ARID2: variants seen among roughly 807,000 people sequenced by gnomAD.
ARID2 encodes AT-rich interactive domain-containing protein 2.
In ARID2, 32 loss-of-function variants were observed where a neutral mutation model predicts 184.6. The observed-to-expected ratio is 0.17, with a 90% CI of 0.13 to 0.23. The LOEUF (loss-of-function observed/expected upper bound fraction) is 0.23. Ranked by LOEUF, ARID2 falls within the 10% of genes least tolerant of loss-of-function variation. The pLI, the probability that ARID2 is intolerant of heterozygous loss-of-function variation, is 1.00. For missense variants in ARID2, 1,696 were observed against 2,197.6 expected, an observed-to-expected ratio of 0.77 and a Z score of 4.56; for synonymous variants, 836 against 772.6, an observed-to-expected ratio of 1.08 and a Z score of -1.36.
At chr12:45,833,624 A>G (rs923561075) in intron 6 of ARID2, among the ~76,000 whole-genome samples, 1 of 152,102 alleles carries the variant, frequency 6.6e-6, no homozygotes, top group African/African-American at 2.4e-5. Context: ...TCATATATGG[A>G]TTATCAGAGT....
Position 45,839,470 on chromosome 12 carries a change from C to T in ARID2, c.1472C>T (p.Thr491Ile), listed in dbSNP as rs149755754. The T allele has an allele frequency of 2.5e-6, 4 of 1,613,522 alleles. No individual in the cohort carries two copies. The highest frequency in any genetic ancestry group is 3.4e-6 in the Non-Finnish European group (4 of 1,179,782). The change falls in exon 11 of 21, where the codon ACC (threonine) becomes ATC (isoleucine). Residue 491 changes from threonine to isoleucine, a missense_variant. Coordinates refer to ENST00000334344, the MANE Select transcript of ARID2 (RefSeq NM_152641.4). ...IRPQAIEQVQ[T>I]QTHVASAPAS... ...CCACAAGCTATAGAGCAAGTCCAAA[C>T]CCAGACTCATGTAGCATCTGCCCCA...
chr12:45,898,265 TG>T (rs1944396410), intron 20 of ARID2, among the ~76,000 whole-genome samples: 1 of 152,110 alleles, frequency 6.6e-6, no homozygotes, highest in East Asian at 1.9e-4. Flanking sequence ...CAGTGGTTAC[TG>T]GGGCTGGGGG....
At chr12:45,758,292 A>G (rs963401784) in intron 3 of ARID2, among the ~76,000 whole-genome samples, 2 of 152,158 alleles carry the variant, frequency 1.3e-5, no homozygotes, top group African/African-American at 4.8e-5. Context: ...AGCTTGTCCA[A>G]CATGCAGCCC....
chr12:45,748,681 C>T (rs576368046), intron 3 of ARID2, among the ~76,000 whole-genome samples: 1 of 152,182 alleles, frequency 6.6e-6, no homozygotes, highest in African/African-American at 2.4e-5. Flanking sequence ...TGAGTCAGTC[C>T]TCACAAACCC....
At chr12:45,753,997 T>C (rs1941517465) in intron 3 of ARID2, among the ~76,000 whole-genome samples, 1 of 152,234 alleles carries the variant, frequency 6.6e-6, no homozygotes, top group African/African-American at 2.4e-5. Flanking sequence ...ATATCTGATG[T>C]CATTTCTAAA....
At chr12:45,888,627 C>T (rs1944238481) in intron 16 of ARID2, among the ~76,000 whole-genome samples, 1 of 152,180 alleles carries the variant, frequency 6.6e-6, no homozygotes, top group Non-Finnish European at 1.5e-5. Context: ...ATCATGATGA[C>T]AATAGCCCTT....
At position 45,852,870 on chromosome 12, in the gene ARID2, A is replaced by G. The variant is rs759820287; in HGVS notation, c.4747A>G (p.Thr1583Ala). Residue 1583 changes from threonine (T) to alanine (A), a missense_variant, in exon 15 of 21, where the codon ACA becomes GCA. Physicochemically the swap from Thr to Ala is moderately conservative, Grantham distance 58 (BLOSUM62 0). Transcript: ENST00000334344. ...AVQQKQQHPPTYVQNVVPQNT... is the reference protein window; with the variant it reads ...AVQQKQQHPPAYVQNVVPQNT... ...TCAGCAAAAGCAACAGCATCCACCAACATATGTACAGAATGTGGTCCCGCA... is the reference window on the plus strand; with the variant it reads ...TCAGCAAAAGCAACAGCATCCACCAGCATATGTACAGAATGTGGTCCCGCA... 12 of 1,602,584 alleles carry G rather than the reference A, an allele frequency of 7.5e-6. No individual in the cohort carries two copies. Among genetic ancestry groups the G allele is most frequent in the Admixed American group, 1.7e-5 (1 of 58,934 alleles).
rs1374682629 is a variant in ARID2, at chr12:45,817,735, G to T, written c.484G>T (p.Val162Leu). Residue 162 changes from valine to leucine, a missense_variant, in exon 5 of 21, where the codon GTG (valine) becomes TTG (leucine). Coordinates refer to ENST00000334344, the MANE Select transcript of ARID2 (RefSeq NM_152641.4). ...FNSPNDYNKLVLSLLSGLPNE... is the reference protein window; with the variant it reads ...FNSPNDYNKLLLSLLSGLPNE... Reference sequence around the variant, plus strand: ...TTCGCCAAATGATTATAATAAATTGGTGCTTTCACTGTTATCTGGACTCCC... The same window carrying T: ...TTCGCCAAATGATTATAATAAATTGTTGCTTTCACTGTTATCTGGACTCCC... 6 of 1,612,748 alleles carry T rather than the reference G, an allele frequency of 3.7e-6. No individual in the cohort carries two copies. The African/African-American group carries it at 6.7e-5, about 18-fold the overall frequency.
At chr12:45,884,625 G>T (rs764817375) in intron 16 of ARID2, among the ~76,000 whole-genome samples, 1 of 152,162 alleles carries the variant, frequency 6.6e-6, no homozygotes, top group African/African-American at 2.4e-5. Context: ...AGCACTTGAT[G>T]TGGGAAGGTC....
chr12:45,763,661 A>T (rs7965369), intron 3 of ARID2, among the ~76,000 whole-genome samples: 26,977 of 149,498 alleles, frequency 0.18, 4,142 homozygotes, highest in African/African-American at 0.44. Flanking sequence ...AATTTTTTTT[A>T]AAATTTTTTT....
intron 6 of ARID2, among the ~76,000 whole-genome samples, chr12:45,825,009 C>A (rs1942967720): frequency 1.3e-5 from 2 of 151,796 alleles, no homozygotes; most frequent in African/African-American, 4.8e-5. Flanking sequence ...AGAAATATTT[C>A]ATGTTCTCAC....
At chr12:45,832,799 G>A (rs1486799880) in intron 6 of ARID2, among the ~76,000 whole-genome samples, 1 of 152,174 alleles carries the variant, frequency 6.6e-6, no homozygotes, top group African/African-American at 2.4e-5. Flanking sequence ...AAAGAAGACA[G>A]TGCAACAACT....
intron 3 of ARID2, among the ~76,000 whole-genome samples, chr12:45,745,989 G>T (rs987399319): frequency 7.8e-5 from 11 of 140,774 alleles, no homozygotes; most frequent in African/African-American, 1.3e-4. Flanking sequence ...TTTGATAGTT[G>T]TTTTTTTTTT....
chr12:45,796,500 A>C (rs535343059), intron 3 of ARID2, among the ~76,000 whole-genome samples: 6 of 150,844 alleles, frequency 4.0e-5, no homozygotes, highest in South Asian at 2.1e-4. Context: ...TGTGAATAAC[A>C]TGTTTATTTT....
intron 20 of ARID2, among the ~76,000 whole-genome samples, chr12:45,897,656 C>A (rs1944387049): frequency 6.6e-6 from 1 of 152,022 alleles, no homozygotes; most frequent in Non-Finnish European, 1.5e-5. Flanking sequence ...TATGTTTACA[C>A]CAATATTGAT....
At chr12:45,810,578 A>G (rs1472950785) in intron 3 of ARID2, among the ~76,000 whole-genome samples, 1 of 152,194 alleles carries the variant, frequency 6.6e-6, no homozygotes, top group East Asian at 1.9e-4. Flanking sequence ...ATAGGATCAA[A>G]TGCTATACAA....
chr12:45,790,563 G>A lies in ARID2; in HGVS notation c.285-20855G>A, dbSNP rs147718744. ...TTTATTCCTAGATACTTAATTGTAT[G>A]TTCTTATTTTATGTTTGCTGTTATA... On this transcript the variant is annotated intron_variant, in intron 3 of 20. Transcript: ENST00000334344. 2.6e-5 allele frequency among the ~76,000 whole-genome samples: 4 copies of A among 152,164 alleles called. No individual in the cohort carries two copies. The East Asian group carries it at 7.7e-4, about 29-fold the overall frequency.
chr12:45,779,756 A>G (rs550069778), intron 3 of ARID2, among the ~76,000 whole-genome samples: 2 of 152,212 alleles, frequency 1.3e-5, no homozygotes, highest in East Asian at 3.9e-4. Flanking sequence ...TTATTCAATA[A>G]TATTATTGAA....
At chr12:45,876,511 G>A (rs911110007) in intron 16 of ARID2, among the ~76,000 whole-genome samples, 8 of 150,170 alleles carry the variant, frequency 5.3e-5, no homozygotes, top group Non-Finnish European at 8.9e-5. Flanking sequence ...AGATTGTGCC[G>A]TTGCACTCCA....
Sources: allele counts gnomAD v4.1 joint callset (sites outside exome capture counted in the v4.1 genomes callset), GRCh38; gene constraint gnomAD v4.1.1; transcripts MANE v1.5; gene names NCBI Gene and HGNC (gene_info 2026-07-23, HGNC 2026-07-21).